Variants in RYR2 observed in about 807,000 individuals in gnomAD.
RYR2 encodes the protein cardiac muscle ryanodine receptor-calcium release channel.
In RYR2, 227 loss-of-function variants were observed where a neutral mutation model predicts 601.1. That is an observed-to-expected ratio of 0.38 (90% CI 0.34 to 0.42). The LOEUF is 0.42. Ranked by LOEUF, RYR2 falls within the 10% of genes least tolerant of loss-of-function variation. RYR2 has a pLI of 1.00. For synonymous variants in RYR2, 2,223 were observed against 2,175.1 expected (o/e 1.02, Z -0.61); for missense variants, 4,646 against 6,156.5 (o/e 0.75, Z 8.21).
chr1:237,293,233 G>A (rs1351990677), intron 2 of RYR2, among the ~76,000 whole-genome samples: 2 of 152,132 alleles, frequency 1.3e-5, no homozygotes, highest in Non-Finnish European at 2.9e-5. Flanking sequence ...GAGGGATGGA[G>A]TCTCACTCTG....
At chr1:237,135,334 CA>C (rs1350758960) in intron 1 of RYR2, among the ~76,000 whole-genome samples, 2 of 150,460 alleles carry the variant, frequency 1.3e-5, no homozygotes, top group African/African-American at 4.9e-5. Context: ...ATTCTAAAAT[CA>C]CACTGTCCAG....
intron 13 of RYR2, among the ~76,000 whole-genome samples, chr1:237,444,181 G>A (rs186842099): frequency 2.1e-3 from 315 of 152,140 alleles, no homozygotes; most frequent in Non-Finnish European, 3.7e-3. Flanking sequence ...TCATCACAAG[G>A]AATCAAATTT....
chr1:237,648,717 T>G (rs1682423684), intron 49 of RYR2, 104 bp downstream of exon 49: 1 of 1,249,686 alleles, frequency 8.0e-7, no homozygotes, highest in African/African-American at 1.5e-5. Flanking sequence ...CAATGAATGT[T>G]TATTGAGTAC....
chr1:237,214,892 G>C (rs1262071931), intron 1 of RYR2, among the ~76,000 whole-genome samples: 1 of 152,110 alleles, frequency 6.6e-6, no homozygotes, highest in Non-Finnish European at 1.5e-5. Context: ...TATTCTCATA[G>C]CAAAGGCATC....
At chr1:237,501,371 C>T (rs958167132) in intron 21 of RYR2, among the ~76,000 whole-genome samples, 1 of 151,968 alleles carries the variant, frequency 6.6e-6, no homozygotes, top group Admixed American at 6.6e-5. Flanking sequence ...TTCAGTGTTC[C>T]TCTCCACCTT....
At chr1:237,821,195 T>A (rs546876741) in intron 101 of RYR2, among the ~76,000 whole-genome samples, 17 of 152,236 alleles carry the variant, frequency 1.1e-4, no homozygotes, top group Non-Finnish European at 2.2e-4. Flanking sequence ...GACTGCCTCC[T>A]GAAGTGGGTC....
In RYR2 at chr1:237,638,357, G is replaced by T. The variant is rs1346735162; in HGVS notation, c.6793G>T (p.Val2265Leu). The part of the protein sequence containing the change: ...LALREPDLEK[V>L]VRYLAGCGLQ... Reference sequence around the variant, plus strand: ...TCTTTGTTAATCATGTTGTTTGCAGGTAGTTCGTTATTTGGCTGGTTGTGG... The same window carrying T: ...TCTTTGTTAATCATGTTGTTTGCAGTTAGTTCGTTATTTGGCTGGTTGTGG... The change falls in exon 45 of 105, where the codon GTA (valine) becomes TTA (leucine). Residue 2265 changes from valine (V) to leucine (L), a missense_variant and splice_region_variant. Val to Leu is a conservative substitution (Grantham distance 32). This residue lies in a region of RYR2 where 137 missense variants were observed against 273.6 expected (regional missense o/e 0.50). Transcript: ENST00000366574. The T allele has an allele frequency of 6.2e-7, 1 of 1,613,810 alleles. No individual in the cohort carries two copies. Among genetic ancestry groups the T allele is most frequent in the Non-Finnish European group, 8.5e-7 (1 of 1,179,796 alleles).
At chr1:237,345,739 A>C (rs940317625) in intron 3 of RYR2, among the ~76,000 whole-genome samples, 3 of 149,010 alleles carry the variant, frequency 2.0e-5, no homozygotes, top group African/African-American at 7.3e-5. Flanking sequence ...TAAGCTGAAT[A>C]TTTTCTAACA....
intron 24 of RYR2, among the ~76,000 whole-genome samples, chr1:237,528,084 C>A (rs1667765936): frequency 6.6e-6 from 1 of 152,050 alleles, no homozygotes; most frequent in South Asian, 2.1e-4. Context: ...TTAATAATGG[C>A]CCCAATGCAC....
At chr1:237,725,476 A>G (rs1037322246) in intron 74 of RYR2, among the ~76,000 whole-genome samples, 33 of 152,052 alleles carry the variant, frequency 2.2e-4, no homozygotes, top group African/African-American at 7.7e-4. Context: ...AATTTATCTC[A>G]AGTATCAGCA....
At chr1:237,508,846 C>T (rs1665565358) in intron 23 of RYR2, among the ~76,000 whole-genome samples, 1 of 146,284 alleles carries the variant, frequency 6.8e-6, no homozygotes. Context: ...GGGTTCACGC[C>T]ATTCTCCTGC....
At chr1:237,268,765 A>G (rs372248137) in intron 1 of RYR2, among the ~76,000 whole-genome samples, 1 of 150,734 alleles carries the variant, frequency 6.6e-6, no homozygotes, top group South Asian at 2.1e-4. Flanking sequence ...GTGAAACCCC[A>G]TCTCTATTAA....
At chr1:237,175,369 G>A (rs900301525) in intron 1 of RYR2, among the ~76,000 whole-genome samples, 5 of 152,074 alleles carry the variant, frequency 3.3e-5, no homozygotes, top group African/African-American at 9.7e-5. Flanking sequence ...TACTGTTATA[G>A]ATGCCAGTCT....
chr1:237,659,014 C>T (rs1683514747), intron 54 of RYR2, among the ~76,000 whole-genome samples: 1 of 152,126 alleles, frequency 6.6e-6, no homozygotes, highest in Non-Finnish European at 1.5e-5. Flanking sequence ...AAAGTAGGTT[C>T]ATCAGAGGAG....
At chr1:237,752,140 A>C (rs1035593346) in intron 80 of RYR2, among the ~76,000 whole-genome samples, 2 of 152,172 alleles carry the variant, frequency 1.3e-5, no homozygotes, top group East Asian at 3.8e-4. Flanking sequence ...GGTGTGGTTA[A>C]AACAAAGAAA....
chr1:237,732,997 AT>A (rs1323144651), intron 78 of RYR2, among the ~76,000 whole-genome samples: 1 of 152,062 alleles, frequency 6.6e-6, no homozygotes, highest in Non-Finnish European at 1.5e-5. Context: ...AGCTAATGTG[AT>A]CTATCCTTTC....
At chr1:237,070,922 C>T (rs919295838) in intron 1 of RYR2, among the ~76,000 whole-genome samples, 1 of 152,262 alleles carries the variant, frequency 6.6e-6, no homozygotes, top group African/African-American at 2.4e-5. Context: ...CAGCATGTCA[C>T]AGCCCTGGCT....
At chr1:237,345,287 T>G (rs1698194503) in intron 3 of RYR2, among the ~76,000 whole-genome samples, 3 of 151,934 alleles carry the variant, frequency 2.0e-5, no homozygotes, top group Admixed American at 2.0e-4. Context: ...GTGTAAAAAT[T>G]TTTCTGTATT....
intron 1 of RYR2, among the ~76,000 whole-genome samples, chr1:237,137,321 G>C (rs1327686553): frequency 6.6e-6 from 1 of 152,064 alleles, no homozygotes; most frequent in African/African-American, 2.4e-5. Context: ...TGTGCTGGTG[G>C]GGCTGACCTC....
Sources: allele counts gnomAD v4.1 joint callset (sites outside exome capture counted in the v4.1 genomes callset), GRCh38; gene constraint gnomAD v4.1.1; regional missense constraint gnomAD v4.1.1; transcripts MANE v1.5; gene names NCBI Gene and HGNC (gene_info 2026-07-23, HGNC 2026-07-21).